Variants in SAMD5 observed in about 807,000 individuals in gnomAD.
SAMD5 encodes the protein sterile alpha motif domain-containing protein 5.
In SAMD5, 13 loss-of-function variants were observed where a neutral mutation model predicts 11.3. The ratio of observed to expected loss-of-function variants is 1.15; its 90% CI spans 0.75 to 1.83. The LOEUF (loss-of-function observed/expected upper bound fraction) is 1.83. Among genes scored for constraint, SAMD5 ranks in the 40% most tolerant of loss-of-function variants. SAMD5 has a pLI of 0.00. For synonymous variants in SAMD5, 129 were observed against 111.3 expected (o/e 1.16, Z -1.00); for missense variants, 255 against 239.1 (o/e 1.07, Z -0.44).
chr6:147,902,444 A>G, the SAMD5 span, among the ~76,000 whole-genome samples: 180 of 152,210 alleles, frequency 1.2e-3, 1 homozygote, highest in African/African-American at 4.1e-3. Context: ...ACACATGGTA[A>G]TGAAATAGAA....
chr6:147,871,836 G>A, the SAMD5 span, among the ~76,000 whole-genome samples: 1 of 152,058 alleles, frequency 6.6e-6, no homozygotes, highest in South Asian at 2.1e-4. Flanking sequence ...TGTAATTCCT[G>A]CTACGTTCTA....
At chr6:147,724,448 A>G (rs977843601) in intron 1 of SAMD5, among the ~76,000 whole-genome samples, 2 of 152,234 alleles carry the variant, frequency 1.3e-5, no homozygotes, top group Non-Finnish European at 2.9e-5. Flanking sequence ...GGTCATTTTT[A>G]AGGCAAATCT....
At chr6:147,704,145 T>A (rs944212814) in intron 1 of SAMD5, among the ~76,000 whole-genome samples, 1 of 152,166 alleles carries the variant, frequency 6.6e-6, no homozygotes, top group African/African-American at 2.4e-5. Flanking sequence ...TCCACCTGTC[T>A]CAGCCTCCCA....
rs973465841 is a variant in SAMD5 at position 147,737,135 on chromosome 6, G to A, written c.163-182G>A. Among the ~76,000 whole-genome samples the A allele has an allele frequency of 2.0e-5, 3 of 152,014 alleles. No homozygotes were observed. In the South Asian group the frequency reaches 6.2e-4, roughly 31 times the overall value. On this transcript the variant is annotated intron_variant, in intron 1 of 1. Coordinates refer to the SAMD5 transcript ENST00000566741. Reference sequence around the variant, plus strand: ...TTATAGTGTATTATATGTTACATATGTGTTATACTATACATACATATATAG... The same window carrying A: ...TTATAGTGTATTATATGTTACATATATGTTATACTATACATACATATATAG...
chr6:147,772,275 T>C, the SAMD5 span, among the ~76,000 whole-genome samples: 4,938 of 152,218 alleles, frequency 0.032, 115 homozygotes, highest in Non-Finnish European at 0.053. Flanking sequence ...CAGAGAGCAC[T>C]TGTAGAACTT....
At chr6:147,722,753 A>G (rs1791573552) in intron 1 of SAMD5, among the ~76,000 whole-genome samples, 1 of 152,148 alleles carries the variant, frequency 6.6e-6, no homozygotes. Context: ...AATGTCAGAC[A>G]CTGTGTATAA....
chr6:147,904,863 C>G, the SAMD5 span, among the ~76,000 whole-genome samples: 1 of 150,496 alleles, frequency 6.6e-6, no homozygotes, highest in Non-Finnish European at 1.5e-5. Flanking sequence ...TCAAAACTAA[C>G]ATAATGGTTT....
intron 1 of SAMD5, among the ~76,000 whole-genome samples, chr6:147,513,320 A>G (rs1017720835): frequency 1.3e-5 from 2 of 152,218 alleles, no homozygotes; most frequent in Non-Finnish European, 2.9e-5. Flanking sequence ...TGGGCCACTT[A>G]TGACAGTAGG....
At chr6:147,671,889 A>ATTTTTTTTTTTTTTTTTT (rs56865442) in intron 1 of SAMD5, among the ~76,000 whole-genome samples, 1 of 98,070 alleles carries the variant, frequency 1.0e-5, no homozygotes, top group Non-Finnish European at 2.0e-5. Context: ...CTTTTTCAGG[A>ATTTTTTTTTTTTTTTTTT]TTTTTTTTTT....
the SAMD5 span, among the ~76,000 whole-genome samples, chr6:147,839,444 C>T: frequency 1.3e-5 from 2 of 152,022 alleles, no homozygotes; most frequent in African/African-American, 4.8e-5. Context: ...AGAGACTTGT[C>T]GATTCTTAAA....
chr6:147,753,658 A>G, the SAMD5 span, among the ~76,000 whole-genome samples: 2 of 151,982 alleles, frequency 1.3e-5, no homozygotes, highest in Non-Finnish European at 1.5e-5. Context: ...GGTCCTATTC[A>G]TTCTACTTTT....
At chr6:147,576,965 C>T (rs1789225864) in intron 1 of SAMD5, among the ~76,000 whole-genome samples, 1 of 152,150 alleles carries the variant, frequency 6.6e-6, no homozygotes. Context: ...AATTTTAAAA[C>T]TGGAATAAAA....
At chr6:147,866,827 AAG>A in the SAMD5 span, among the ~76,000 whole-genome samples, 1 of 152,162 alleles carries the variant, frequency 6.6e-6, no homozygotes, top group Non-Finnish European at 1.5e-5. Flanking sequence ...CAAAAAAAGA[AAG>A]AGAGAAGGGC....
chr6:147,855,287 T>G, the SAMD5 span, among the ~76,000 whole-genome samples: 2 of 152,108 alleles, frequency 1.3e-5, no homozygotes, highest in African/African-American at 4.8e-5. Context: ...ATCAAGAATT[T>G]TAGTTTTAAT....
intron 1 of SAMD5, among the ~76,000 whole-genome samples, chr6:147,640,640 T>C (rs1278532535): frequency 3.3e-5 from 5 of 152,120 alleles, no homozygotes; most frequent in Non-Finnish European, 7.3e-5. Context: ...GACATATTAT[T>C]AACTTCAACA....
chr6:147,923,423 A>G, the SAMD5 span, among the ~76,000 whole-genome samples: 1 of 152,234 alleles, frequency 6.6e-6, no homozygotes, highest in Non-Finnish European at 1.5e-5. Context: ...TCACCATTAT[A>G]TTGAATGAAT....
At chr6:147,628,486 A>G (rs12523985) in intron 1 of SAMD5, among the ~76,000 whole-genome samples, 13,019 of 152,212 alleles carry the variant, frequency 0.086, 837 homozygotes, top group East Asian at 0.25. Flanking sequence ...ATCTCCTAAG[A>G]TTATTCGCTT....
intron 1 of SAMD5, among the ~76,000 whole-genome samples, chr6:147,561,055 A>G (rs1788939956): frequency 6.6e-6 from 1 of 152,250 alleles, no homozygotes; most frequent in African/African-American, 2.4e-5. Context: ...GGCACACTAC[A>G]AAGAAACTTC....
the SAMD5 span, among the ~76,000 whole-genome samples, chr6:147,804,210 C>T: frequency 2.0e-5 from 3 of 150,594 alleles, no homozygotes; most frequent in Admixed American, 1.3e-4. Flanking sequence ...TGAGTTCAAT[C>T]GATTCTCCTG....
Sources: allele counts gnomAD v4.1 joint callset (sites outside exome capture counted in the v4.1 genomes callset), GRCh38; gene constraint gnomAD v4.1.1; transcripts MANE v1.5; gene names NCBI Gene and HGNC (gene_info 2026-07-23, HGNC 2026-07-21).